Variants in GRIP2 observed in about 807,000 individuals in gnomAD.
GRIP2 encodes the protein glutamate receptor interacting protein 2.
Under a neutral mutation model 108.3 loss-of-function variants are expected in GRIP2, and 58 were observed. The ratio of observed to expected loss-of-function variants is 0.54; its 90% CI spans 0.43 to 0.67. The LOEUF (loss-of-function observed/expected upper bound fraction) is 0.67, where lower values mean the gene tolerates loss of function less well. GRIP2 is among the 30% of genes least tolerant of loss of function. The pLI is 0.00. For missense variants in GRIP2, 1,278 were observed against 1,430.6 expected, an observed-to-expected ratio of 0.89 and a Z score of 1.72; for synonymous variants, 586 against 598.2, an observed-to-expected ratio of 0.98 and a Z score of 0.30.
Position 14,552,011 on chromosome 3 carries a change from G to T in GRIP2, c.55+3889C>A, listed in dbSNP as rs77687730. On this transcript the variant is annotated intron_variant, in intron 1 of 23. Transcript: ENST00000637182. ...CAGATCTAGAGGTTCACTCCAGGCT[G>T]CCGGGATTCTGCAATTCTAGGACGA... is the stretch of plus-strand genomic sequence containing the variant. 7.5e-4 allele frequency among the ~76,000 whole-genome samples: 115 copies of T among 152,326 alleles called. 5 individuals carry two copies. In the East Asian group the frequency reaches 0.019, roughly 26 times the overall value.
At chr3:14,568,870 A>C in the GRIP2 span, among the ~76,000 whole-genome samples, 1 of 152,180 alleles carries the variant, frequency 6.6e-6, no homozygotes, top group Admixed American at 6.5e-5. Flanking sequence ...CAGTCAGACA[A>C]CCGAGGCTCC....
At position 14,511,384 on chromosome 3, in the gene GRIP2, C is replaced by T. The variant is rs1694088573; in HGVS notation, c.1787+29G>A. The stretch of plus-strand genomic sequence containing the variant: ...GTGCCATACTCACTGCTGTTGGCCA[C>T]TTCCCTTCCTGTGCCCCAGTGCCCC... On this transcript the variant is annotated intron_variant, in intron 15 of 23. Transcript: ENST00000621039. The surrounding 1 kb of genome is among the most constrained non-coding windows in gnomAD (Gnocchi z 4.1). 1 of 1,613,976 alleles carries T rather than the reference C, an allele frequency of 6.2e-7. No individual in the cohort carries two copies. Among genetic ancestry groups the T allele is most frequent in the Non-Finnish European group, 8.5e-7 (1 of 1,179,862 alleles).
Position 14,496,526 on chromosome 3 carries a change from G to A in GRIP2, c.2714C>T (p.Ala905Val), listed in dbSNP as rs760480338. The change falls in exon 22 of 24, where the codon GCC (alanine) becomes GTC (valine). Residue 905 changes from alanine to valine, a missense_variant. Transcript: ENST00000621039. ...CCGGTGGCCAGGCCTGCCCTCGAGG[G>A]CCACCCTCTGCACGGTGCCCGTCAT... ...SIMTGTVQRV[A>V]LEGRPGHRPW... is the part of the protein sequence containing the mutation. 2.5e-6 allele frequency: 4 copies of A among 1,612,600 alleles called. No homozygotes were observed. In the South Asian group the frequency reaches 3.3e-5, roughly 13 times the overall value.
intron 1 of GRIP2, 99 bp from the exon 2 acceptor site, chr3:14,526,030 G>C: frequency 9.8e-7 from 1 of 1,015,462 alleles, no homozygotes; most frequent in Non-Finnish European, 1.5e-6. Flanking sequence ...GACGTGGCCT[G>C]TAAGATGGGT....
At chr3:14,601,289 T>G in the GRIP2 span, among the ~76,000 whole-genome samples, 2 of 152,106 alleles carry the variant, frequency 1.3e-5, no homozygotes, top group African/African-American at 4.8e-5. Context: ...TGAGAGAGGC[T>G]TGTCCAAGAT....
chr3:14,571,030 C>T, the GRIP2 span, among the ~76,000 whole-genome samples: 311 of 152,314 alleles, frequency 2.0e-3, no homozygotes, highest in African/African-American at 7.3e-3. Context: ...TCCCCTACCA[C>T]TGGATACCAG....
chr3:14,551,720 A>T (rs1695152560), intron 1 of GRIP2, among the ~76,000 whole-genome samples: 1 of 152,162 alleles, frequency 6.6e-6, no homozygotes. Flanking sequence ...CCAGCAGGGG[A>T]GGCTGAATAA....
upstream of GRIP2, among the ~76,000 whole-genome samples, chr3:14,542,907 G>T (rs553561599): frequency 3.3e-5 from 5 of 152,300 alleles, no homozygotes; most frequent in African/African-American, 1.2e-4. Context: ...TCACACTCAG[G>T]AGGCCTGGCA....
At chr3:14,594,208 T>A in the GRIP2 span, among the ~76,000 whole-genome samples, 1 of 152,158 alleles carries the variant, frequency 6.6e-6, no homozygotes, top group Non-Finnish European at 1.5e-5. Flanking sequence ...TCTGTCCCTA[T>A]CCCTCTCCCA....
In GRIP2 at chr3:14,512,985, G is replaced by A; in HGVS notation, c.1640-128C>T. 1.3e-6 allele frequency: 1 copy of A among 767,480 alleles called. No individual in the cohort carries two copies. The highest frequency in any genetic ancestry group is 2.4e-4 in the Middle Eastern group (1 of 4,248). The allele number at this position is 767,480 out of a possible 1,614,324, so 47.5% of individuals were successfully genotyped here. Reference sequence around the variant, plus strand: ...GTCACAGTTCTAATCTCATCCCCCTGCTTCCTCTCAACAGAGGAGGAAACT... The same window carrying A: ...GTCACAGTTCTAATCTCATCCCCCTACTTCCTCTCAACAGAGGAGGAAACT... On this transcript the variant is annotated intron_variant, in intron 13 of 23. Transcript: ENST00000621039. This position sits in a 1 kb window ranked among gnomAD's most constrained non-coding sequence, Gnocchi z 5.1.
chr3:14,587,854 A>T, the GRIP2 span, among the ~76,000 whole-genome samples: 1 of 151,820 alleles, frequency 6.6e-6, no homozygotes, highest in Non-Finnish European at 1.5e-5. Flanking sequence ...CAACTACTAT[A>T]CTCCCAACAG....
chr3:14,594,824 G>T, the GRIP2 span, among the ~76,000 whole-genome samples: 1 of 152,212 alleles, frequency 6.6e-6, no homozygotes, highest in African/African-American at 2.4e-5. Context: ...TACCTCACAG[G>T]GTTGTTATGA....
At chr3:14,598,530 C>T in the GRIP2 span, among the ~76,000 whole-genome samples, 1 of 152,096 alleles carries the variant, frequency 6.6e-6, no homozygotes, top group African/African-American at 2.4e-5. Flanking sequence ...CCTCCACCCC[C>T]TTACTCATGC....
upstream of GRIP2, chr3:14,541,823 T>C (rs370299571): frequency 2.7e-5 from 33 of 1,234,514 alleles, 1 homozygote; most frequent in African/African-American, 6.2e-5. Flanking sequence ...CTGAATTTAG[T>C]GGACATTTCC....
In GRIP2 at chr3:14,507,740, C is replaced by G. The variant is rs749291176; in HGVS notation, c.2079-40G>C. 4 of 1,594,518 alleles carry G rather than the reference C, an allele frequency of 2.5e-6. No individual in the cohort carries two copies. The East Asian group carries it at 9.0e-5, about 36-fold the overall frequency. On this transcript the variant is annotated intron_variant, in intron 17 of 23. Transcript: ENST00000621039. This position sits in a 1 kb window ranked among gnomAD's most constrained non-coding sequence, Gnocchi z 4.6. Reference sequence around the variant, plus strand: ...CAGGGCAGAGAATGGGAGTTAGACACTCAGGGCCTCAGAGTGGCAGTCTGC... The same window carrying G: ...CAGGGCAGAGAATGGGAGTTAGACAGTCAGGGCCTCAGAGTGGCAGTCTGC...
Position 14,509,823 on chromosome 3 carries a change from T to C in GRIP2, c.2075A>G (p.Glu692Gly), listed in dbSNP as rs1393856527. 1.5e-5 allele frequency: 22 copies of C among 1,495,574 alleles called. No homozygotes were observed. Among genetic ancestry groups the C allele is most frequent in the Non-Finnish European group, 9.0e-7 (1 of 1,115,392 alleles). 92.6% of individuals were successfully genotyped at this position (1,495,574 alleles called of 1,614,324 possible). A position where few individuals can be genotyped will look rare whatever the true frequency, so the allele number is the denominator to read the frequency against. Reference sequence around the variant, plus strand: ...TCCCCACAGAGCCCCAGTTCACCTCTCAGCCAGGCCACGCTTGGTGAGGCC... The same window carrying C: ...TCCCCACAGAGCCCCAGTTCACCTCCCAGCCAGGCCACGCTTGGTGAGGCC... ...ISGLTKRGLA[E>G]RTGAIHVGDR... The change falls in exon 17 of 24, where the codon GAG becomes GGG. Residue 692 changes from glutamate (E) to glycine (G), a missense_variant. Coordinates refer to ENST00000621039, the MANE Select transcript of GRIP2 (RefSeq NM_001080423.4).
At position 14,548,032 on chromosome 3, in the gene GRIP2, G is replaced by C. The variant is rs927664460; in HGVS notation, c.55+7868C>G. On this transcript the variant is annotated intron_variant, in intron 1 of 23. Transcript: ENST00000637182. ...CAGAACAAAGGTGGCCACAGAGTCA[G>C]GGATGGTCAGAGGAGGAGTCCAGGA... Among the ~76,000 whole-genome samples the C allele has an allele frequency of 3.9e-5, 6 of 152,310 alleles. 1 individual carries two copies. The highest frequency in any genetic ancestry group is 3.3e-4 in the Admixed American group (5 of 15,308).
At chr3:14,587,473 T>C in the GRIP2 span, among the ~76,000 whole-genome samples, 1 of 151,958 alleles carries the variant, frequency 6.6e-6, no homozygotes, top group Non-Finnish European at 1.5e-5. Context: ...ACTCCATCTC[T>C]ACTTACAATA....
chr3:14,511,165 CAG>C lies in GRIP2; in HGVS notation c.1931_1932del (p.Ser644Ter). ...TAGGAGGCCAGCATGAGGGCCATAC[CAG>C]AGTTGTCCTCGTCCTTCCGGATCTT... ...KLKIRKDEDN[S>X]DELETTGAVS... is the part of the protein sequence containing the mutation. On this transcript the variant is annotated frameshift_variant and splice_region_variant, in exon 16 of 24. Transcript: ENST00000621039. LOFTEE classifies it high-confidence loss of function. The surrounding 1 kb of genome is among the most constrained non-coding windows in gnomAD (Gnocchi z 4.1). 1 of 1,613,828 alleles carries C rather than the reference CAG, an allele frequency of 6.2e-7. No individual in the cohort carries two copies. Among genetic ancestry groups the C allele is most frequent in the Non-Finnish European group, 8.5e-7 (1 of 1,179,842 alleles).
Sources: allele counts gnomAD v4.1 joint callset (sites outside exome capture counted in the v4.1 genomes callset), GRCh38; gene constraint gnomAD v4.1.1; non-coding constraint Gnocchi (gnomAD v3.1); transcripts MANE v1.5; gene names NCBI Gene and HGNC (gene_info 2026-07-23, HGNC 2026-07-21).